Variants in SLF1 observed in about 807,000 individuals in gnomAD.
SLF1 encodes the protein SMC5-SMC6 complex localization factor protein 1.
A neutral mutation model predicts 123.0 loss-of-function variants in SLF1; 105 were observed. The ratio of observed to expected loss-of-function variants is 0.85; its 90% CI spans 0.73 to 1.00. SLF1 has a LOEUF of 1.00. Ranked by LOEUF, SLF1 falls within the 50% of genes least tolerant of loss-of-function variation. The pLI, the probability that SLF1 is intolerant of heterozygous loss-of-function variation, is 0.00. For missense variants in SLF1, 1,239 were observed against 1,223.0 expected (o/e 1.01, Z -0.20); for synonymous variants, 434 against 406.6 (o/e 1.07, Z -0.81).
At chr5:94,653,486 A>G (rs1747990987) in intron 8 of SLF1, 65 bp downstream of exon 8, 2 of 1,303,538 alleles carry the variant, frequency 1.5e-6, no homozygotes, top group Admixed American at 3.4e-5. Flanking sequence ...GATATAATCT[A>G]GATATATAAT....
chr5:94,659,137 T>A (rs573751077), intron 9 of SLF1, among the ~76,000 whole-genome samples: 1 of 150,676 alleles, frequency 6.6e-6, no homozygotes, highest in South Asian at 2.1e-4. Flanking sequence ...CTCTCTGTTA[T>A]ATATTTTTTT....
chr5:94,678,155 C>T (rs1385049255), intron 14 of SLF1, among the ~76,000 whole-genome samples: 1 of 152,110 alleles, frequency 6.6e-6, no homozygotes, highest in Non-Finnish European at 1.5e-5. Flanking sequence ...CTCCTGACCT[C>T]GTGATCCACC....
At chr5:94,691,855 C>T (rs1003377085) in intron 19 of SLF1, among the ~76,000 whole-genome samples, 199 bp downstream of exon 19, 2 of 151,616 alleles carry the variant, frequency 1.3e-5, no homozygotes, top group African/African-American at 4.8e-5. Context: ...TTTTGGTGTC[C>T]ATATTTTGAT....
chr5:94,671,165 G>C (rs1750394467), intron 14 of SLF1, among the ~76,000 whole-genome samples, 157 bp downstream of exon 14: 1 of 151,704 alleles, frequency 6.6e-6, no homozygotes. Flanking sequence ...TAAGGTAAAA[G>C]GTCCTTGGAG....
At chr5:94,619,574 C>G (rs750715006) in intron 1 of SLF1, among the ~76,000 whole-genome samples, 2 of 152,004 alleles carry the variant, frequency 1.3e-5, no homozygotes, top group African/African-American at 2.4e-5. Flanking sequence ...TTTGGAGGCG[C>G]CAGCCTCTTT....
rs1750361327 is a variant in SLF1 at position 94,670,881 on chromosome 5, C to T, written c.1700C>T (p.Thr567Ile). Residue 567 changes from threonine to isoleucine, a missense_variant, in exon 14 of 21, where the codon ACA (threonine) becomes ATA (isoleucine). Coordinates refer to ENST00000265140, the MANE Select transcript of SLF1 (RefSeq NM_032290.4). ...DWSDSQNLKI[T>I]GKAMLLEIFW... ...TCAGATTCTCAGAATCTGAAAATAA[C>T]AGGAAAGGCAATGCTTCTTGAAATT... 2 of 1,549,486 alleles carry T rather than the reference C, an allele frequency of 1.3e-6. No homozygotes were observed. The highest frequency in any genetic ancestry group is 2.0e-5 in the Admixed American group (1 of 50,926).
chr5:94,632,487 T>C (rs1347794902), intron 4 of SLF1, among the ~76,000 whole-genome samples: 1 of 152,230 alleles, frequency 6.6e-6, no homozygotes, highest in African/African-American at 2.4e-5. Context: ...TATTGAGTCT[T>C]CCTATTAGTG....
At chr5:94,681,638 C>T (rs1398198152) in intron 15 of SLF1, among the ~76,000 whole-genome samples, 1 of 124,206 alleles carries the variant, frequency 8.1e-6, no homozygotes, top group East Asian at 2.8e-4. Context: ...CCAATGCTAA[C>T]CCTCCCCCCT....
chr5:94,675,956 G>A (rs1367862879), intron 14 of SLF1, among the ~76,000 whole-genome samples: 1 of 146,488 alleles, frequency 6.8e-6, no homozygotes, highest in African/African-American at 2.5e-5. Flanking sequence ...TGGAAAGCTG[G>A]ATTGTGTTTT....
intron 16 of SLF1, 123 bp from the exon 17 acceptor site, chr5:94,688,383 G>A (rs545123447): frequency 2.1e-6 from 2 of 947,414 alleles, no homozygotes; most frequent in South Asian, 3.7e-5. Context: ...CCAAGATAGA[G>A]TGGCAACCAT....
intron 1 of SLF1, among the ~76,000 whole-genome samples, chr5:94,628,464 A>G (rs778277594): frequency 1.2e-4 from 18 of 152,252 alleles, no homozygotes; most frequent in Admixed American, 3.9e-4. Context: ...TGAAGCTTGT[A>G]TAACATTATT....
intron 1 of SLF1, among the ~76,000 whole-genome samples, chr5:94,620,629 T>C (rs1205929145): frequency 4.6e-5 from 7 of 152,238 alleles, no homozygotes; most frequent in Non-Finnish European, 1.0e-4. Context: ...TAAAAAATTC[T>C]GTGTTGGCTT....
In SLF1 at chr5:94,628,818, AT is replaced by A. The variant is rs1452751520; in HGVS notation, c.9del (p.Asp3GlufsTer10). 19 of 1,537,706 alleles carry A rather than the reference AT, an allele frequency of 1.2e-5. No individual in the cohort carries two copies. Among genetic ancestry groups the A allele is most frequent in the Admixed American group, 2.1e-5 (1 of 48,184 alleles). MEDGTPKHIIQMT... is the reference protein window; with the variant it reads MEXGTPKHIIQMT... The stretch of plus-strand genomic sequence containing the variant: ...TATGTTTGTATTTGTTAGATGGAAG[AT>A]GGTACCCCAAAGCATATCATCCAGA... On this transcript the variant is annotated frameshift_variant, in exon 2 of 21. Transcript: ENST00000265140. LOFTEE classifies it high-confidence loss of function.
At chr5:94,634,311 T>C (rs956003688) in intron 4 of SLF1, among the ~76,000 whole-genome samples, 2 of 152,120 alleles carry the variant, frequency 1.3e-5, no homozygotes, top group Non-Finnish European at 2.9e-5. Context: ...CATTTCCTAT[T>C]CCCCCACCTC....
At chr5:94,643,769 A>C (rs1746703717) in intron 5 of SLF1, among the ~76,000 whole-genome samples, 1 of 152,144 alleles carries the variant, frequency 6.6e-6, no homozygotes. Flanking sequence ...CTAAGGGTTT[A>C]GAAATACTGT....
chr5:94,643,433 G>C lies in SLF1; in HGVS notation c.592G>C (p.Glu198Gln). The change falls in exon 5 of 21, where the codon GAG becomes CAG. Residue 198 changes from glutamate to glutamine, a missense_variant and splice_region_variant. Transcript: ENST00000265140. ...PIQYLGDFLLEKEIQNDEDSQ... is the reference protein window; with the variant it reads ...PIQYLGDFLLQKEIQNDEDSQ... ...TCAGTATCTAGGGGATTTTCTTTTA[G>C]AGGTAAGTAAAATAAATAGTAAACA... 2.1e-6 allele frequency: 3 copies of C among 1,440,508 alleles called. No homozygotes were observed. Among genetic ancestry groups the C allele is most frequent in the East Asian group, 2.6e-5 (1 of 38,686 alleles). The allele number at this position is 1,440,508 out of a possible 1,614,324, so 89.2% of individuals were successfully genotyped here.
At chr5:94,645,294 C>T (rs1274902541) in intron 5 of SLF1, among the ~76,000 whole-genome samples, 7 of 152,174 alleles carry the variant, frequency 4.6e-5, no homozygotes, top group African/African-American at 7.2e-5. Flanking sequence ...GTGAAACCAG[C>T]CCTGTAGTTA....
At chr5:94,686,229 G>T (rs1433564586) in intron 15 of SLF1, among the ~76,000 whole-genome samples, 1 of 152,186 alleles carries the variant, frequency 6.6e-6, no homozygotes, top group Admixed American at 6.5e-5. Context: ...ATTGTGGGAA[G>T]AGATCTTTAA....
In SLF1 at chr5:94,651,832, C is replaced by T. The variant is rs1747758435; in HGVS notation, c.869C>T (p.Thr290Ile). The T allele has an allele frequency of 1.4e-6, 2 of 1,414,572 alleles. No homozygotes were observed. Among genetic ancestry groups the T allele is most frequent in the African/African-American group, 2.9e-5 (2 of 68,364 alleles). 87.6% of individuals were successfully genotyped at this position (1,414,572 alleles called of 1,614,324 possible). ...ATGAGAAATACCTTTGGAAGCCATA[C>T]ATATGAAAATCAGGTACAACTTTCC... The part of the protein sequence containing the change: ...VKMRNTFGSH[T>I]YENQKEIKKK... Residue 290 changes from threonine to isoleucine, a missense_variant, in exon 7 of 21, where the codon ACA (threonine) becomes ATA (isoleucine). Thr to Ile is a moderately conservative substitution (Grantham distance 89). Coordinates refer to ENST00000265140, the MANE Select transcript of SLF1 (RefSeq NM_032290.4).
Sources: gnomAD v4.1 joint callset for allele counts (sites outside exome capture counted in the v4.1 genomes callset) on GRCh38, gnomAD v4.1.1 for gene constraint, MANE v1.5 for transcripts, NCBI Gene and HGNC (gene_info 2026-07-23, HGNC 2026-07-21) for gene names.